LRMDA: variants seen among roughly 807,000 people sequenced by gnomAD.
The protein encoded by LRMDA is leucine rich melanocyte differentiation associated.
A neutral mutation model predicts 29.8 loss-of-function variants in LRMDA; 18 were observed. That is an observed-to-expected ratio of 0.60 (90% CI 0.42 to 0.90). LRMDA has a LOEUF of 0.90. Ranked by LOEUF, LRMDA falls within the 40% of genes least tolerant of loss-of-function variation. The pLI, the probability that LRMDA is intolerant of heterozygous loss-of-function variation, is 0.00. For missense variants in LRMDA, 273 were observed against 273.9 expected, an observed-to-expected ratio of 1.00 and a Z score of 0.02; for synonymous variants, 125 against 109.4, an observed-to-expected ratio of 1.14 and a Z score of -0.89.
At chr10:75,635,068 A>T (rs1841374759) in intron 2 of LRMDA, among the ~76,000 whole-genome samples, 1 of 152,186 alleles carries the variant, frequency 6.6e-6, no homozygotes, top group African/African-American at 2.4e-5. Context: ...AATGTGAGAA[A>T]TTGCTGCTTT....
chr10:75,903,646 C>T (rs1043461664), intron 2 of LRMDA, among the ~76,000 whole-genome samples: 1 of 152,204 alleles, frequency 6.6e-6, no homozygotes, highest in East Asian at 1.9e-4. Context: ...GCCAGAGCCT[C>T]GAGAAGTCTT....
intron 5 of LRMDA, among the ~76,000 whole-genome samples, chr10:76,144,091 G>A (rs1430814827): frequency 6.6e-6 from 1 of 152,186 alleles, no homozygotes; most frequent in Non-Finnish European, 1.5e-5. Context: ...TTTGGTTACT[G>A]TAGCCTTGTA....
chr10:76,089,840 A>G (rs948367818), intron 5 of LRMDA, among the ~76,000 whole-genome samples: 16 of 152,184 alleles, frequency 1.1e-4, no homozygotes, highest in Middle Eastern at 3.2e-3. Flanking sequence ...GAAAAGTCAA[A>G]CTGTGTAAAT....
intron 5 of LRMDA, among the ~76,000 whole-genome samples, chr10:76,147,116 C>T (rs1326885666): frequency 1.3e-5 from 2 of 152,174 alleles, no homozygotes; most frequent in Non-Finnish European, 2.9e-5. Flanking sequence ...CTGCCCTTAA[C>T]GTTTTTTCCT....
intron 2 of LRMDA, among the ~76,000 whole-genome samples, chr10:76,014,830 G>A (rs945996225): frequency 2.2e-4 from 33 of 152,166 alleles, no homozygotes; most frequent in African/African-American, 8.0e-4. Flanking sequence ...CTGGGGTGTG[G>A]CACTTTGTCT....
intron 6 of LRMDA, among the ~76,000 whole-genome samples, chr10:76,470,064 C>T (rs1842602796): frequency 6.6e-6 from 1 of 151,966 alleles, no homozygotes; most frequent in African/African-American, 2.4e-5. Flanking sequence ...AATAAAAAAA[C>T]TATCAAGCAA....
intron 6 of LRMDA, among the ~76,000 whole-genome samples, chr10:76,383,480 G>A (rs1397584818): frequency 2.8e-5 from 4 of 141,080 alleles, no homozygotes; most frequent in Admixed American, 7.3e-5. Context: ...CCGGACTGCG[G>A]ACTGCAGTGG....
At chr10:75,541,977 A>G (rs904019759) in intron 2 of LRMDA, among the ~76,000 whole-genome samples, 10 of 152,172 alleles carry the variant, frequency 6.6e-5, no homozygotes, top group Non-Finnish European at 1.3e-4. Flanking sequence ...TGGTTAAACT[A>G]TATTTTCCCT....
chr10:75,494,634 G>A (rs1459567278), intron 2 of LRMDA, among the ~76,000 whole-genome samples: 1 of 150,154 alleles, frequency 6.7e-6, no homozygotes, highest in Non-Finnish European at 1.5e-5. Context: ...TGGAGTAGAT[G>A]GGATTACAGG....
intron 2 of LRMDA, among the ~76,000 whole-genome samples, chr10:75,970,824 C>T (rs1846953800): frequency 6.6e-6 from 1 of 152,222 alleles, no homozygotes; most frequent in South Asian, 2.1e-4. Context: ...GCACAAGAAG[C>T]TCTTGAGTCC....
intron 5 of LRMDA, among the ~76,000 whole-genome samples, chr10:76,304,878 G>A (rs1923615): frequency 0.59 from 90,133 of 151,914 alleles, 30,657 homozygotes; most frequent in Non-Finnish European, 0.8. Context: ...AGAACACCAC[G>A]TGATGACTCT....
chr10:76,368,784 A>C (rs2132455184), intron 6 of LRMDA, among the ~76,000 whole-genome samples: 1 of 152,222 alleles, frequency 6.6e-6, no homozygotes, highest in Middle Eastern at 3.4e-3. Context: ...TGGGAGCTCC[A>C]GTGTTAGGTG....
chr10:75,671,222 T>C (rs1392684070), intron 2 of LRMDA, among the ~76,000 whole-genome samples: 1 of 152,174 alleles, frequency 6.6e-6, no homozygotes, highest in African/African-American at 2.4e-5. Context: ...TTGAGAAAAT[T>C]GTACAAAACA....
At chr10:75,960,913 C>T (rs1846753788) in intron 2 of LRMDA, among the ~76,000 whole-genome samples, 1 of 151,824 alleles carries the variant, frequency 6.6e-6, no homozygotes, top group Admixed American at 6.6e-5. Context: ...CCACACCCGG[C>T]CTGGTTTTAA....
chr10:76,069,567 G>A (rs1353886245), intron 5 of LRMDA, among the ~76,000 whole-genome samples: 1 of 150,836 alleles, frequency 6.6e-6, no homozygotes, highest in Admixed American at 6.6e-5. Context: ...ATTTTCAACA[G>A]TGAACTAATA....
intron 2 of LRMDA, among the ~76,000 whole-genome samples, chr10:75,641,593 G>A (rs1467192695): frequency 1.3e-5 from 2 of 152,022 alleles, no homozygotes; most frequent in African/African-American, 4.8e-5. Context: ...GACCTCCTGA[G>A]GCTATATTTA....
intron 5 of LRMDA, among the ~76,000 whole-genome samples, chr10:76,162,910 G>A (rs949199155): frequency 3.9e-5 from 6 of 152,122 alleles, no homozygotes; most frequent in Non-Finnish European, 7.4e-5. Context: ...GAAAGGGAAA[G>A]ATACATATTC....
intron 5 of LRMDA, among the ~76,000 whole-genome samples, chr10:76,257,874 G>T (rs74150564): frequency 0.048 from 7,336 of 152,174 alleles, 590 homozygotes; most frequent in African/African-American, 0.17. Context: ...ACATGTCTGG[G>T]GCTCAGTTGA....
intron 2 of LRMDA, among the ~76,000 whole-genome samples, chr10:75,871,266 G>A (rs1845104439): frequency 1.3e-5 from 2 of 152,194 alleles, no homozygotes; most frequent in South Asian, 4.1e-4. Context: ...GTTTCCTGCT[G>A]ATGGTGTCTC....
Sources: gnomAD v4.1 joint callset for allele counts (sites outside exome capture counted in the v4.1 genomes callset) on GRCh38, gnomAD v4.1.1 for gene constraint, MANE v1.5 for transcripts, NCBI Gene and HGNC (gene_info 2026-07-23, HGNC 2026-07-21) for gene names.